RAB38: variants seen among roughly 807,000 people sequenced by gnomAD.
The protein encoded by RAB38 is RAB38, member RAS oncogene family.
A neutral mutation model predicts 18.4 loss-of-function variants in RAB38; 15 were observed. That is an observed-to-expected ratio of 0.82 (90% confidence interval 0.55 to 1.26). RAB38 has a LOEUF of 1.26. RAB38 is among the 50% of genes most tolerant of loss of function. RAB38 has a pLI of 0.00. For missense variants in RAB38, 294 were observed against 267.4 expected (o/e 1.10, Z -0.69); for synonymous variants, 101 against 104.4 (o/e 0.97, Z 0.20).
the RAB38 span, among the ~76,000 whole-genome samples, chr11:88,084,681 C>G: frequency 6.6e-6 from 1 of 151,834 alleles, no homozygotes; most frequent in Non-Finnish European, 1.5e-5. Flanking sequence ...TATAACAGCT[C>G]TCTCTCTTGT....
At chr11:88,035,998 A>T in the RAB38 span, among the ~76,000 whole-genome samples, 1 of 152,080 alleles carries the variant, frequency 6.6e-6, no homozygotes, top group Admixed American at 6.5e-5. Flanking sequence ...TAATAAAATT[A>T]AATTAAATTA....
chr11:88,007,565 A>T, the RAB38 span, among the ~76,000 whole-genome samples: 7 of 152,026 alleles, frequency 4.6e-5, no homozygotes, highest in African/African-American at 1.7e-4. Flanking sequence ...CACAATAACT[A>T]GAAATGCTAA....
At chr11:87,832,146 A>G in the RAB38 span, among the ~76,000 whole-genome samples, 1 of 152,206 alleles carries the variant, frequency 6.6e-6, no homozygotes, top group Non-Finnish European at 1.5e-5. Flanking sequence ...TTGAGCATCT[A>G]TCAAATGCCA....
chr11:88,111,710 A>T (rs752846162), downstream of RAB38, among the ~76,000 whole-genome samples: 1 of 152,228 alleles, frequency 6.6e-6, no homozygotes, highest in Non-Finnish European at 1.5e-5. Context: ...ACAGAGCAAC[A>T]TCTCTATAAT....
the RAB38 span, among the ~76,000 whole-genome samples, chr11:87,905,891 A>G: frequency 6.6e-6 from 1 of 151,920 alleles, no homozygotes; most frequent in East Asian, 1.9e-4. Context: ...CTGACTGCAA[A>G]TTCCAGTCCC....
At chr11:88,063,708 G>A in the RAB38 span, among the ~76,000 whole-genome samples, 3 of 152,136 alleles carry the variant, frequency 2.0e-5, no homozygotes, top group African/African-American at 7.2e-5. Context: ...TAGTGAATAA[G>A]TCCCATGAGG....
the RAB38 span, among the ~76,000 whole-genome samples, chr11:87,848,652 C>A: frequency 1.6e-4 from 25 of 152,138 alleles, 1 homozygote; most frequent in African/African-American, 5.3e-4. Flanking sequence ...TCTAGTAATG[C>A]CCAATACATA....
the RAB38 span, among the ~76,000 whole-genome samples, chr11:87,859,829 G>T: frequency 1.3e-5 from 2 of 152,034 alleles, no homozygotes; most frequent in Admixed American, 6.6e-5. Flanking sequence ...GTTCATTCAT[G>T]GTAGTGGCAG....
At chr11:87,821,126 T>A in the RAB38 span, among the ~76,000 whole-genome samples, 1 of 152,312 alleles carries the variant, frequency 6.6e-6, no homozygotes, top group African/African-American at 2.4e-5. Context: ...CCACATTTTT[T>A]TTAAGTCCAA....
At chr11:88,076,464 T>C in the RAB38 span, among the ~76,000 whole-genome samples, 2 of 151,992 alleles carry the variant, frequency 1.3e-5, no homozygotes, top group East Asian at 1.9e-4. Context: ...GCATCCAAAT[T>C]GGAAAAGAAG....
At chr11:88,106,822 GA>G in the RAB38 span, among the ~76,000 whole-genome samples, 1 of 152,068 alleles carries the variant, frequency 6.6e-6, no homozygotes, top group Non-Finnish European at 1.5e-5. Context: ...CCAATATTGG[GA>G]AATTTTCCGG....
chr11:87,814,124 C>G, the RAB38 span, among the ~76,000 whole-genome samples: 1 of 151,942 alleles, frequency 6.6e-6, no homozygotes, highest in African/African-American at 2.4e-5. Context: ...GACAACACCC[C>G]CAAGTGTTAT....
the RAB38 span, among the ~76,000 whole-genome samples, chr11:87,903,530 T>C: frequency 6.6e-6 from 1 of 151,608 alleles, no homozygotes; most frequent in Non-Finnish European, 1.5e-5. Flanking sequence ...GTTTGTATTG[T>C]AAATGTTTTG....
At chr11:88,066,144 T>C in the RAB38 span, among the ~76,000 whole-genome samples, 1 of 152,250 alleles carries the variant, frequency 6.6e-6, no homozygotes, top group Non-Finnish European at 1.5e-5. Context: ...GTTTACTTGG[T>C]TGTCAAAACT....
the RAB38 span, among the ~76,000 whole-genome samples, chr11:87,840,397 T>C: frequency 1.3e-5 from 2 of 152,190 alleles, no homozygotes; most frequent in African/African-American, 2.4e-5. Context: ...GGCCTCTGGT[T>C]CTCTGAAAGT....
the RAB38 span, among the ~76,000 whole-genome samples, chr11:88,082,890 A>G: frequency 6.6e-6 from 1 of 151,860 alleles, no homozygotes; most frequent in Non-Finnish European, 1.5e-5. Flanking sequence ...AAAGCCTCCA[A>G]TGGCTTTCTT....
chr11:88,020,067 T>C, the RAB38 span, among the ~76,000 whole-genome samples: 1 of 152,178 alleles, frequency 6.6e-6, no homozygotes, highest in East Asian at 1.9e-4. Context: ...TTGAGACAAC[T>C]TGAATGTAGG....
At chr11:87,932,925 GAGTCA>G in the RAB38 span, among the ~76,000 whole-genome samples, 2 of 152,074 alleles carry the variant, frequency 1.3e-5, no homozygotes, top group Non-Finnish European at 2.9e-5. Flanking sequence ...TCTTAATTTA[GAGTCA>G]AGTCATCTTG....
chr11:88,009,532 TA>T, the RAB38 span, among the ~76,000 whole-genome samples: 7 of 152,076 alleles, frequency 4.6e-5, no homozygotes, highest in Admixed American at 4.6e-4. Context: ...AGAAACCACT[TA>T]AGATTGTAAC....
Sources: gnomAD v4.1 joint callset for allele counts (sites outside exome capture counted in the v4.1 genomes callset) on GRCh38, gnomAD v4.1.1 for gene constraint, MANE v1.5 for transcripts, NCBI Gene and HGNC (gene_info 2026-07-23, HGNC 2026-07-21) for gene names.